Variants in BANK1 observed in about 807,000 individuals in gnomAD.
BANK1 encodes the protein B-cell scaffold protein with ankyrin repeats.
A neutral mutation model predicts 94.5 loss-of-function variants in BANK1; 95 were observed. The ratio of observed to expected loss-of-function variants is 1.00; its 90% confidence interval spans 0.85 to 1.19. BANK1 has a LOEUF of 1.19. Ranked by LOEUF, BANK1 falls within the 50% of genes most tolerant of loss-of-function variation. BANK1 has a pLI of 0.00. For synonymous variants in BANK1, 334 were observed against 308.4 expected, an observed-to-expected ratio of 1.08 and a Z score of -0.87; for missense variants, 987 against 932.2, an observed-to-expected ratio of 1.06 and a Z score of -0.77.
chr4:102,029,894 C>A, intron 9 of BANK1, 66 bp from the exon 10 acceptor site: 1 of 1,476,902 alleles, frequency 6.8e-7, no homozygotes, highest in South Asian at 1.4e-5. Context: ...AAAAAAGTGA[C>A]AGATGGACAC....
At chr4:101,821,108 ATC>A (rs1726128594) in intron 1 of BANK1, among the ~76,000 whole-genome samples, 1 of 152,192 alleles carries the variant, frequency 6.6e-6, no homozygotes, top group South Asian at 2.1e-4. Flanking sequence ...CCTCGCCAGC[ATC>A]TGTTATTTTT....
In BANK1 at chr4:101,813,891, G is replaced by A. The variant is rs936570496; in HGVS notation, c.71-15917G>A. 14 of 985,332 alleles carry A rather than the reference G, an allele frequency of 1.4e-5. No individual in the cohort carries two copies. The African/African-American group carries it at 2.3e-4, about 16-fold the overall frequency. The allele number at this position is 985,332 out of a possible 1,614,324, so 61.0% of individuals were successfully genotyped here. A position where few individuals can be genotyped will look rare whatever the true frequency, so the allele number is the denominator to read the frequency against. The stretch of plus-strand genomic sequence containing the variant: ...AGGGTGGGGGACTACTTGCTTGCTG[G>A]TTTTGCTTGCATCTGATGAGTAGAA... On this transcript the variant is annotated intron_variant, in intron 1 of 16. Coordinates refer to ENST00000322953, the MANE Select transcript of BANK1 (RefSeq NM_017935.5).
At chr4:102,001,375 G>A (rs569940279) in intron 7 of BANK1, among the ~76,000 whole-genome samples, 1 of 152,316 alleles carries the variant, frequency 6.6e-6, no homozygotes, top group Non-Finnish European at 1.5e-5. Flanking sequence ...GCCGAGATGG[G>A]CGGATCACGA....
chr4:102,039,324 AGTCT>A (rs1188725615), intron 10 of BANK1, among the ~76,000 whole-genome samples: 1 of 152,106 alleles, frequency 6.6e-6, no homozygotes, highest in African/African-American at 2.4e-5. Flanking sequence ...TGGAGCACTC[AGTCT>A]GTCTTGGTGA....
chr4:101,803,449 G>T (rs564407490), intron 1 of BANK1, among the ~76,000 whole-genome samples: 46 of 152,182 alleles, frequency 3.0e-4, no homozygotes, highest in Admixed American at 5.2e-4. Flanking sequence ...TTTAGTTGGG[G>T]TAAGTTAGGG....
chr4:102,070,449 G>GTGCA (rs2148967706), intron 13 of BANK1, among the ~76,000 whole-genome samples: 1 of 152,266 alleles, frequency 6.6e-6, no homozygotes, highest in South Asian at 2.1e-4. Flanking sequence ...ATCTCTTAAT[G>GTGCA]TGCATGCTGG....
chr4:101,811,000 A>T (rs1397995995), intron 1 of BANK1, among the ~76,000 whole-genome samples: 1 of 152,178 alleles, frequency 6.6e-6, no homozygotes, highest in Non-Finnish European at 1.5e-5. Flanking sequence ...TCTACGAATG[A>T]GGGATCAGTA....
rs868625957 is a variant in BANK1 at position 101,840,062 on chromosome 4, G to A, written c.469+9856G>A. ...CGGCTCACTGCAAGCTCCGCCTCCC[G>A]GGTTCACGCCATTCTCCTGCCTCAG... On this transcript the variant is annotated intron_variant, in intron 2 of 16. Coordinates refer to ENST00000322953, the MANE Select transcript of BANK1 (RefSeq NM_017935.5). Among the ~76,000 whole-genome samples the A allele has an allele frequency of 1.3e-3, 161 of 127,636 alleles. No homozygotes were observed. The Middle Eastern group carries it at 0.024, about 19-fold the overall frequency. The allele number at this position is 127,636 out of a possible 152,430, so 83.7% of individuals were successfully genotyped here.
chr4:101,870,436 T>C (rs760952310), intron 4 of BANK1, 69 bp from the exon 5 acceptor site: 8 of 1,351,368 alleles, frequency 5.9e-6, no homozygotes, highest in Non-Finnish European at 7.9e-6. Context: ...TTTTATATTC[T>C]CTAAAAGATG....
In BANK1 at chr4:101,851,812, TA is replaced by T. The variant is rs376601336; in HGVS notation, c.470-3219del. Among the ~76,000 whole-genome samples, 620 of 152,320 alleles carry T rather than the reference TA, an allele frequency of 4.1e-3. 4 individuals are homozygous for T. The highest frequency in any genetic ancestry group is 0.014 in the African/African-American group (562 of 41,578). ...CCCAGTACTAGCTAATTTTGTTTTA[TA>T]AAATAGGCTTCTTTTATTCTTAGGG... is the stretch of plus-strand genomic sequence containing the variant. On this transcript the variant is annotated intron_variant, in intron 2 of 16. Transcript: ENST00000322953.
chr4:101,886,613 C>T (rs879793345), intron 5 of BANK1, among the ~76,000 whole-genome samples: 74 of 152,176 alleles, frequency 4.9e-4, no homozygotes, highest in Non-Finnish European at 8.4e-4. Flanking sequence ...GGGCATGGTT[C>T]TTTTGATTTC....
chr4:101,860,470 G>A (rs771363397), intron 3 of BANK1, among the ~76,000 whole-genome samples: 27 of 151,678 alleles, frequency 1.8e-4, no homozygotes, highest in East Asian at 3.9e-4. Flanking sequence ...TTGCTCTGTC[G>A]CCCAGGCTGG....
Position 101,871,717 on chromosome 4 carries a change from G to A in BANK1, c.903+1073G>A, listed in dbSNP as rs77431708. 6.5e-3 allele frequency among the ~76,000 whole-genome samples: 992 copies of A among 152,160 alleles called. 11 individuals are homozygous for A. Among genetic ancestry groups the A allele is most frequent in the African/African-American group, 0.023 (954 of 41,528 alleles). ...AAAACAGACTGTTTCATTTTCTTGT[G>A]ACAAGTCCACCTTATCCTCTACTTA... On this transcript the variant is annotated intron_variant, in intron 5 of 16. Coordinates refer to ENST00000322953, the MANE Select transcript of BANK1 (RefSeq NM_017935.5).
chr4:101,965,836 A>G (rs1724732207), intron 7 of BANK1, among the ~76,000 whole-genome samples: 1 of 152,110 alleles, frequency 6.6e-6, no homozygotes, highest in African/African-American at 2.4e-5. Flanking sequence ...GCCTTTCTTC[A>G]GGAATTTTCA....
intron 7 of BANK1, among the ~76,000 whole-genome samples, chr4:102,010,482 T>G (rs1355865842): frequency 7.0e-6 from 1 of 142,516 alleles, no homozygotes; most frequent in Non-Finnish European, 1.5e-5. Flanking sequence ...AGCTTCCGCC[T>G]CCCGGGTTCC....
rs557288927 is a variant in BANK1 at position 101,862,295 on chromosome 4, T to C, written c.625-231T>C. Among the ~76,000 whole-genome samples, 14 of 152,146 alleles carry C rather than the reference T, an allele frequency of 9.2e-5. No individual in the cohort carries two copies. The South Asian group carries it at 2.7e-3, about 29-fold the overall frequency. ...TACTGTTTCTTTAAGTTGCAAAATA[T>C]GGCATTAGAGGGAAAAAAAGAGCGT... On this transcript the variant is annotated intron_variant, in intron 3 of 16. Transcript: ENST00000322953.
intron 2 of BANK1, among the ~76,000 whole-genome samples, chr4:101,853,484 T>G (rs922229063): frequency 2.6e-5 from 4 of 152,086 alleles, no homozygotes; most frequent in African/African-American, 9.7e-5. Context: ...GTATTTGGAT[T>G]TTTTTTCTTG....
chr4:102,042,832 C>T (rs1279469039), intron 10 of BANK1, among the ~76,000 whole-genome samples: 2 of 151,984 alleles, frequency 1.3e-5, no homozygotes, highest in Non-Finnish European at 2.9e-5. Flanking sequence ...CCTCTATCTC[C>T]TTCTTTACCT....
intron 5 of BANK1, among the ~76,000 whole-genome samples, chr4:101,885,673 T>G (rs1357258385): frequency 6.6e-6 from 1 of 152,252 alleles, no homozygotes; most frequent in Non-Finnish European, 1.5e-5. Flanking sequence ...AATTAATGCC[T>G]GCCTTTCATG....
Sources: allele counts gnomAD v4.1 joint callset (sites outside exome capture counted in the v4.1 genomes callset), GRCh38; gene constraint gnomAD v4.1.1; transcripts MANE v1.5; gene names NCBI Gene and HGNC (gene_info 2026-07-23, HGNC 2026-07-21).